Variants in PASD1 observed in about 807,000 individuals in gnomAD.
The protein encoded by PASD1 is circadian clock protein PASD1.
In PASD1, 13 loss-of-function variants were observed where a neutral mutation model predicts 58.8. The observed-to-expected ratio is 0.22, with a 90% CI of 0.14 to 0.35. The LOEUF is 0.35. Among genes scored for constraint, PASD1 ranks in the 10% least tolerant of loss-of-function variants. PASD1 has a pLI of 1.00. For missense variants in PASD1, 734 were observed against 568.3 expected, an observed-to-expected ratio of 1.29 and a Z score of -2.96; for synonymous variants, 236 against 216.7, an observed-to-expected ratio of 1.09 and a Z score of -0.78.
At chrX:151,629,478 A>G (rs2013839260) in intron 8 of PASD1, among the ~76,000 whole-genome samples, 1 of 111,575 alleles carries the variant, frequency 9.0e-6, no homozygotes, top group African/African-American at 3.3e-5. Flanking sequence ...AGTGGGGAGC[A>G]CGTGCACGAC....
Position 151,672,359 on chromosome X carries a change from A to G in PASD1, c.1614A>G (p.Gln538=), listed in dbSNP as rs1569417707. 2 of 1,196,434 alleles carry G rather than the reference A, an allele frequency of 1.7e-6. No homozygotes were observed. Among genetic ancestry groups the G allele is most frequent in the Admixed American group, 2.3e-5 (1 of 43,435 alleles). The change falls in exon 14 of 16, where the codon CAA becomes CAG. Residue 538 remains glutamine (Q), a synonymous_variant. Transcript: ENST00000370357. ...AGAAGCTGCAGGAGCAGAGGCGGCA[A>G]AAGAAGAAGAAGCTACAGGAGCGGA... ...EKKKLQEQRR[Q]KKKKLQERKK...
At chrX:151,628,152 G>T (rs1252437215) in intron 8 of PASD1, among the ~76,000 whole-genome samples, 1 of 110,909 alleles carries the variant, frequency 9.0e-6, no homozygotes, top group Non-Finnish European at 1.9e-5. Context: ...CCATTCTGTA[G>T]GTTGCCTGTT....
At chrX:151,662,227 A>T (rs2014320947) in intron 10 of PASD1, among the ~76,000 whole-genome samples, 1 of 110,381 alleles carries the variant, frequency 9.1e-6, no homozygotes, top group Admixed American at 9.6e-5. Flanking sequence ...TTATTCGTAC[A>T]TTCATTTACA....
intron 1 of PASD1, among the ~76,000 whole-genome samples, chrX:151,566,130 G>T (rs1051744790): frequency 3.6e-5 from 4 of 112,435 alleles, no homozygotes; most frequent in Admixed American, 1.9e-4. Context: ...TTAGAGGCAC[G>T]TTTTGAGCTA....
chrX:151,632,875 TA>T (rs375572443), intron 8 of PASD1, among the ~76,000 whole-genome samples: 3,624 of 101,142 alleles, frequency 0.036, 126 homozygotes, highest in African/African-American at 0.11. Context: ...GAGGCTCAAA[TA>T]AAAAAAAAAA....
intron 1 of PASD1, among the ~76,000 whole-genome samples, chrX:151,565,461 C>T (rs2012822411): frequency 9.0e-6 from 1 of 111,189 alleles, no homozygotes; most frequent in Non-Finnish European, 1.9e-5. Context: ...GACCTTTCTT[C>T]CATCAGCAAA....
intron 1 of PASD1, among the ~76,000 whole-genome samples, chrX:151,570,666 T>A (rs1471124965): frequency 9.0e-6 from 1 of 111,166 alleles, no homozygotes; most frequent in Non-Finnish European, 1.9e-5. Context: ...TGTGGGACCT[T>A]TGTCTTGAGT....
At chrX:151,633,746 C>G (rs762892933) in intron 8 of PASD1, among the ~76,000 whole-genome samples, 1 of 111,475 alleles carries the variant, frequency 9.0e-6, no homozygotes, top group Non-Finnish European at 1.9e-5. Flanking sequence ...AGGGTTTGTA[C>G]TAAAGACTTA....
intron 8 of PASD1, among the ~76,000 whole-genome samples, chrX:151,647,687 A>T (rs1042737455): frequency 3.6e-5 from 4 of 110,869 alleles, no homozygotes; most frequent in African/African-American, 1.3e-4. Context: ...TATCCGAAAT[A>T]CATTTTTCAA....
intron 1 of PASD1, among the ~76,000 whole-genome samples, chrX:151,567,045 A>AAAT (rs2012853868): frequency 2.1e-5 from 2 of 94,961 alleles, no homozygotes; most frequent in African/African-American, 3.9e-5. Flanking sequence ...ACTCCGTCTC[A>AAAT]AAATAAATAA....
At chrX:151,574,001 G>A (rs1031959953) in intron 1 of PASD1, among the ~76,000 whole-genome samples, 14 of 112,320 alleles carry the variant, frequency 1.2e-4, no homozygotes, top group African/African-American at 4.5e-4. Flanking sequence ...ATGAGGCAAG[G>A]TAGAAATGAA....
intron 1 of PASD1, among the ~76,000 whole-genome samples, chrX:151,596,071 G>T (rs1000861892): frequency 1.8e-5 from 2 of 111,978 alleles, no homozygotes; most frequent in Non-Finnish European, 3.8e-5. Flanking sequence ...ATTGTTCATG[G>T]CAGGGGGACT....
At chrX:151,646,474 A>G (rs1291545175) in intron 8 of PASD1, among the ~76,000 whole-genome samples, 1 of 112,340 alleles carries the variant, frequency 8.9e-6, no homozygotes, top group Non-Finnish European at 1.9e-5. Flanking sequence ...GCTACGGAGC[A>G]CTTGAAATGT....
chrX:151,627,224 CTTTAAGTTTTAGGG>C (rs1484608539), intron 8 of PASD1, among the ~76,000 whole-genome samples: 116 of 107,626 alleles, frequency 1.1e-3, no homozygotes, highest in African/African-American at 3.7e-3. Flanking sequence ...ATTTATTATA[CTTTAAGTTTTAGGG>C]TACATGTGCA....
intron 1 of PASD1, among the ~76,000 whole-genome samples, chrX:151,564,055 G>A (rs886104479): frequency 7.1e-5 from 8 of 112,682 alleles, no homozygotes; most frequent in African/African-American, 2.6e-4. Flanking sequence ...GGTTACACGA[G>A]GAAGACCCCC....
chrX:151,671,011 T>G, intron 11 of PASD1, 27 bp from the exon 12 acceptor site: 1 of 1,201,158 alleles, frequency 8.3e-7, no homozygotes, highest in East Asian at 3.0e-5. Flanking sequence ...TTGCTATACA[T>G]GAACCATAAG....
chrX:151,602,653 G>A (rs1201982782), intron 2 of PASD1, among the ~76,000 whole-genome samples: 2 of 110,336 alleles, frequency 1.8e-5, no homozygotes, highest in Non-Finnish European at 3.8e-5. Context: ...CTGAGATTGC[G>A]CCACTGCACT....
chrX:151,673,047 C>A (rs1267328816), intron 14 of PASD1: 1 of 147,431 alleles, frequency 6.8e-6, no homozygotes, highest in Non-Finnish European at 1.3e-5. Flanking sequence ...AGTTTCATTC[C>A]CCAACTTTCC....
At chrX:151,567,267 C>G (rs1392599422) in intron 1 of PASD1, among the ~76,000 whole-genome samples, 1 of 110,038 alleles carries the variant, frequency 9.1e-6, no homozygotes, top group Non-Finnish European at 1.9e-5. Flanking sequence ...TAGCAGTGAT[C>G]CTACAAGTTT....
Sources: gnomAD v4.1 joint callset for allele counts (sites outside exome capture counted in the v4.1 genomes callset) on GRCh38, gnomAD v4.1.1 for gene constraint, MANE v1.5 for transcripts, NCBI Gene and HGNC (gene_info 2026-07-23, HGNC 2026-07-21) for gene names.